CEACAM20: variants seen among roughly 807,000 people sequenced by gnomAD.
CEACAM20 encodes cell adhesion molecule CEACAM20.
In CEACAM20, 50 loss-of-function variants were observed where a neutral mutation model predicts 61.2. That is an observed-to-expected ratio of 0.82 (90% confidence interval 0.65 to 1.03). The LOEUF is 1.03. CEACAM20 is among the 50% of genes least tolerant of loss of function. The probability of loss-of-function intolerance (pLI) is 0.00; values close to 1 mark genes in which losing one functional copy is unlikely to be tolerated. For missense variants in CEACAM20, 683 were observed against 736.4 expected (o/e 0.93, Z 0.84); for synonymous variants, 282 against 287.7 (o/e 0.98, Z 0.20).
chr19:44,518,045 C>T (rs1216450037), intron 5 of CEACAM20, among the ~76,000 whole-genome samples: 1 of 149,220 alleles, frequency 6.7e-6, no homozygotes, highest in African/African-American at 2.5e-5. Context: ...CACTGCACTC[C>T]GTCCTAGGTG....
rs1599682756 is a variant in CEACAM20, at chr19:44,522,275, T to G, written c.751+359A>C. Among the ~76,000 whole-genome samples the G allele has an allele frequency of 3.3e-5, 5 of 152,042 alleles. No homozygotes were observed. The East Asian group carries it at 9.6e-4, about 29-fold the overall frequency. ...CCCACCACCACACCTGGCTAATTTT[T>G]TGTATTTTTAGTAGAGACAGGGTTT... On this transcript the variant is annotated intron_variant, in intron 4 of 11. Transcript: ENST00000614924.
chr19:44,512,603 G>C (rs1344099107), intron 8 of CEACAM20, among the ~76,000 whole-genome samples: 1 of 152,240 alleles, frequency 6.6e-6, no homozygotes, highest in African/African-American at 2.4e-5. Context: ...ACAACAATCA[G>C]TTAAAAAAGT....
intron 1 of CEACAM20, among the ~76,000 whole-genome samples, chr19:44,526,537 T>A (rs1161477170): frequency 6.7e-6 from 1 of 148,160 alleles, no homozygotes; most frequent in African/African-American, 2.5e-5. Flanking sequence ...AAAAATGAGT[T>A]CCCAGTTTTC....
At chr19:44,510,552 G>GA (rs61060444) in intron 11 of CEACAM20, among the ~76,000 whole-genome samples, 5 of 21,550 alleles carry the variant, frequency 2.3e-4, no homozygotes, top group African/African-American at 1.2e-3. Flanking sequence ...AGGAAGGAAA[G>GA]AAAGAAAGAA....
At chr19:44,507,394 T>C (rs1489534788) in intron 11 of CEACAM20, among the ~76,000 whole-genome samples, 1 of 152,212 alleles carries the variant, frequency 6.6e-6, no homozygotes, top group Non-Finnish European at 1.5e-5. Flanking sequence ...TCAATCTGAT[T>C]CTTCTATGGA....
chr19:44,517,151 G>A lies in CEACAM20; in HGVS notation c.1104C>T (p.Asn368=), dbSNP rs1971186532. 1 of 1,613,374 alleles carries A rather than the reference G, an allele frequency of 6.2e-7. No individual in the cohort carries two copies. Among genetic ancestry groups the A allele is most frequent in the African/African-American group, 1.3e-5 (1 of 74,902 alleles). ...EMISTIEAEL[N]SSLTLQCWAE... is the part of the protein sequence containing the mutation. The stretch of plus-strand genomic sequence containing the variant: ...CCCAACACTGCAGGGTCAGGCTGGA[G>A]TTGAGCTCTGCCTCTATGGTGCTGA... The change falls in exon 6 of 12, where the codon AAC becomes AAT. Residue 368 remains asparagine (N), a synonymous_variant. Transcript: ENST00000614924.
chr19:44,511,027 T>A lies in CEACAM20; in HGVS notation c.1737+3A>T, dbSNP rs769255358. 1 of 1,613,926 alleles carries A rather than the reference T, an allele frequency of 6.2e-7. No homozygotes were observed. ...CCAAAGACTCAGTGTGGCATAAACA[T>A]ACCTCATAGATTGACTCCATGTTTT... On this transcript the variant is annotated splice_donor_region_variant and intron_variant, in intron 11 of 11. Coordinates refer to ENST00000614924, the MANE Select transcript of CEACAM20 (RefSeq NM_001102597.3).
chr19:44,512,869 G>C lies in CEACAM20; in HGVS notation c.1512C>G (p.Ser504=). 6.2e-7 allele frequency: 1 copy of C among 1,612,948 alleles called. No individual in the cohort carries two copies. The highest frequency in any genetic ancestry group is 8.5e-7 in the Non-Finnish European group (1 of 1,179,240). The change falls in exon 8 of 12, where the codon TCC becomes TCG. Residue 504 remains serine (S), a splice_region_variant and synonymous_variant. Coordinates refer to ENST00000614924, the MANE Select transcript of CEACAM20 (RefSeq NM_001102597.3). ...PKEEHPTEPS[S]ESLSPEYRNI... is the part of the protein sequence containing the mutation. ...ATCAGCCACCATAGAGTCACTTACC[G>C]GAACTGGGCTCTGTGGGGTGCTCCT...
At chr19:44,521,712 G>T (rs919253835) in intron 4 of CEACAM20, among the ~76,000 whole-genome samples, 4 of 151,982 alleles carry the variant, frequency 2.6e-5, no homozygotes, top group Admixed American at 6.6e-5. Context: ...CACCTCTGTT[G>T]TGTGCATGCT....
chr19:44,518,643 G>T (rs1218283005), intron 5 of CEACAM20, among the ~76,000 whole-genome samples: 1 of 152,048 alleles, frequency 6.6e-6, no homozygotes, highest in East Asian at 1.9e-4. Flanking sequence ...ATACTGGAAA[G>T]GATGCAAAAG....
chr19:44,509,891 T>C (rs1970921401), intron 11 of CEACAM20, among the ~76,000 whole-genome samples: 1 of 151,726 alleles, frequency 6.6e-6, no homozygotes, highest in South Asian at 2.1e-4. Flanking sequence ...TGAATGTAAA[T>C]AGGGACATTG....
At chr19:44,519,648 A>G (rs2123604267) in intron 5 of CEACAM20, among the ~76,000 whole-genome samples, 1 of 152,250 alleles carries the variant, frequency 6.6e-6, no homozygotes, top group East Asian at 1.9e-4. Flanking sequence ...TCAGCAGCAT[A>G]TTCAAAATAC....
In CEACAM20 at chr19:44,520,786, G is replaced by C. The variant is rs1385521903; in HGVS notation, c.752-34C>G. On this transcript the variant is annotated intron_variant, in intron 4 of 11. Transcript: ENST00000614924. ...ACGTGGAGATACACAGTCAGGTTCA[G>C]GGAGATTTCCCTCATCTCCTGCCCT... 5.0e-6 allele frequency: 8 copies of C among 1,592,514 alleles called. No homozygotes were observed. In the East Asian group the frequency reaches 1.8e-4, roughly 36 times the overall value.
intron 1 of CEACAM20, 30 bp from the exon 2 acceptor site, chr19:44,525,274 A>G (rs1189566674): frequency 6.4e-7 from 1 of 1,551,980 alleles, no homozygotes; most frequent in African/African-American, 1.4e-5. Flanking sequence ...GCATTCAGGG[A>G]GGGAGAGGTG....
Position 44,510,532 on chromosome 19 carries a change from A to AAAGGAAGG in CEACAM20, c.1737+490_1737+497dup, listed in dbSNP as rs1173856801. Among the ~76,000 whole-genome samples, 897 of 103,614 alleles carry AAAGGAAGG rather than the reference A, an allele frequency of 8.7e-3. 37 individuals carry two copies. The highest frequency in any genetic ancestry group is 0.017 in the Admixed American group (132 of 7,766). The allele number at this position is 103,614 out of a possible 152,430, so 68.0% of individuals were successfully genotyped here. ...TGTCTCAAAAAAAAAAAGAAAGATG[A>AAAGGAAGG]AAGGAAGGAAGGAAGGAAAGAAAGA... On this transcript the variant is annotated intron_variant, in intron 11 of 11. Coordinates refer to ENST00000614924, the MANE Select transcript of CEACAM20 (RefSeq NM_001102597.3).
rs1971484557 is a variant in CEACAM20, at chr19:44,525,031, C to T, written c.196+70G>A. 4.4e-6 allele frequency: 7 copies of T among 1,574,338 alleles called. No individual in the cohort carries two copies. In the South Asian group the frequency reaches 4.7e-5, roughly 10 times the overall value. On this transcript the variant is annotated intron_variant, in intron 2 of 11. Coordinates refer to ENST00000614924, the MANE Select transcript of CEACAM20 (RefSeq NM_001102597.3). ...AGATTCGTCCTCTGGGGACTTTGGG[C>T]GTGAGGTTCGGATGAGGGATCTCCA...
chr19:44,524,249 G>A lies in CEACAM20; in HGVS notation c.209C>T (p.Pro70Leu). ...AGTGCCTGGGCTGACTGCAATGGAG[G>A]GTTTGGCCAGCTCTGAAAGCAAGCG... Reference protein sequence around the residue: ...IHGRSRELAKPSIAVSPGTAI... With the variant: ...IHGRSRELAKLSIAVSPGTAI... Residue 70 changes from proline to leucine, a missense_variant, in exon 3 of 12, where the codon CCC becomes CTC. Coordinates refer to ENST00000614924, the MANE Select transcript of CEACAM20 (RefSeq NM_001102597.3). 1 of 1,612,344 alleles carries A rather than the reference G, an allele frequency of 6.2e-7. No homozygotes were observed. The highest frequency in any genetic ancestry group is 8.5e-7 in the Non-Finnish European group (1 of 1,178,856).
intron 8 of CEACAM20, among the ~76,000 whole-genome samples, chr19:44,512,352 A>G (rs1971026871): frequency 6.6e-6 from 1 of 152,120 alleles, no homozygotes. Flanking sequence ...CTTTATCCCT[A>G]ATGGCCTTGG....
At position 44,529,569 on chromosome 19, in the gene CEACAM20, G is replaced by A; in HGVS notation, c.-60C>T. On this transcript the variant is annotated 5_prime_UTR_variant, in exon 1 of 12. Transcript: ENST00000614924. ...TCTGTCGCCCCGGCTTGCACACACA[G>A]ATACAGTCCTCACTCCAGGTGCAGC... 1 of 1,497,774 alleles carries A rather than the reference G, an allele frequency of 6.7e-7. No individual in the cohort carries two copies. The allele number at this position is 1,497,774 out of a possible 1,614,324, so 92.8% of individuals were successfully genotyped here.
Sources: gnomAD v4.1 joint callset for allele counts (sites outside exome capture counted in the v4.1 genomes callset) on GRCh38, gnomAD v4.1.1 for gene constraint, MANE v1.5 for transcripts, NCBI Gene and HGNC (gene_info 2026-07-23, HGNC 2026-07-21) for gene names.